ZNF385D: variants seen among roughly 807,000 people sequenced by gnomAD.
ZNF385D encodes the protein zinc finger protein 659.
In ZNF385D, 15 loss-of-function variants were observed where a neutral mutation model predicts 35.8. The observed-to-expected ratio is 0.42, with a 90% CI of 0.28 to 0.64. The LOEUF (loss-of-function observed/expected upper bound fraction) is 0.64, where lower values mean the gene tolerates loss of function less well. ZNF385D is among the 30% of genes least tolerant of loss of function. ZNF385D has a pLI of 0.23. For missense variants in ZNF385D, 474 were observed against 494.6 expected (o/e 0.96, Z 0.39); for synonymous variants, 212 against 186.8 (o/e 1.13, Z -1.10).
intron 3 of ZNF385D, among the ~76,000 whole-genome samples, chr3:21,949,389 A>G (rs757548142): frequency 6.6e-6 from 1 of 151,436 alleles, no homozygotes; most frequent in Non-Finnish European, 1.5e-5. Flanking sequence ...TTTCCATCCC[A>G]TCGGTTGGGG....
At chr3:22,072,943 C>G (rs1259452446) in intron 3 of ZNF385D, among the ~76,000 whole-genome samples, 1 of 151,956 alleles carries the variant, frequency 6.6e-6, no homozygotes, top group Non-Finnish European at 1.5e-5. Flanking sequence ...GTCCTGAGCA[C>G]ATAGAGAAGG....
At chr3:21,929,548 A>G (rs1027103415) in intron 3 of ZNF385D, among the ~76,000 whole-genome samples, 1 of 152,130 alleles carries the variant, frequency 6.6e-6, no homozygotes, top group Non-Finnish European at 1.5e-5. Context: ...TTATTTATGT[A>G]GAACATTCTA....
Position 21,762,394 on chromosome 3 carries a change from C to T in ZNF385D, c.326-97366G>A, listed in dbSNP as rs73038813. Reference sequence around the variant, plus strand: ...GTAAAGCTCTTTTCCACTGTCTCAACCGTCTGAAATGCTGCTCATCCTCAA... The same window carrying T: ...GTAAAGCTCTTTTCCACTGTCTCAATCGTCTGAAATGCTGCTCATCCTCAA... On this transcript the variant is annotated intron_variant, in intron 3 of 5. Coordinates refer to the ZNF385D transcript ENST00000494108. Among the ~76,000 whole-genome samples, 537 of 152,220 alleles carry T rather than the reference C, an allele frequency of 3.5e-3. 3 individuals are homozygous for T. Among genetic ancestry groups the T allele is most frequent in the South Asian group, 8.1e-3 (39 of 4,822 alleles).
chr3:22,090,382 G>T (rs765643151), intron 3 of ZNF385D, among the ~76,000 whole-genome samples: 28 of 152,046 alleles, frequency 1.8e-4, no homozygotes, highest in Non-Finnish European at 2.8e-4. Flanking sequence ...GTGATAAAGT[G>T]CCAACTGAAG....
At chr3:21,495,756 C>T (rs572623490) in intron 4 of ZNF385D, among the ~76,000 whole-genome samples, 2 of 151,948 alleles carry the variant, frequency 1.3e-5, no homozygotes, top group East Asian at 3.9e-4. Context: ...TCAACAAATC[C>T]AGGAGTTGGC....
At chr3:21,453,092 A>G (rs943434262) in intron 4 of ZNF385D, among the ~76,000 whole-genome samples, 19 of 151,798 alleles carry the variant, frequency 1.3e-4, no homozygotes, top group Middle Eastern at 3.2e-3. Context: ...TATTTTTAAC[A>G]TGAGTGACAA....
chr3:21,541,846 A>G (rs964055725), intron 3 of ZNF385D, among the ~76,000 whole-genome samples: 3 of 152,204 alleles, frequency 2.0e-5, no homozygotes, highest in Non-Finnish European at 2.9e-5. Flanking sequence ...GTTAGTGCCT[A>G]CTAATACTTT....
intron 3 of ZNF385D, among the ~76,000 whole-genome samples, chr3:21,808,583 A>C (rs549470498): frequency 6.6e-6 from 1 of 152,298 alleles, no homozygotes; most frequent in Admixed American, 6.5e-5. Context: ...CCTTTGTGCC[A>C]GTGCTGTGGC....
chr3:21,731,365 G>C (rs868741967), intron 1 of ZNF385D, among the ~76,000 whole-genome samples: 9 of 151,836 alleles, frequency 5.9e-5, no homozygotes, highest in African/African-American at 1.7e-4. Context: ...GCAGTTTTAG[G>C]CTCACAGCCA....
chr3:22,049,419 T>C (rs1004057652), intron 3 of ZNF385D, among the ~76,000 whole-genome samples: 1 of 152,154 alleles, frequency 6.6e-6, no homozygotes, highest in Non-Finnish European at 1.5e-5. Context: ...TGTTCTTTTT[T>C]TTTGGCGGAT....
chr3:21,633,562 C>G (rs981982301), intron 2 of ZNF385D, among the ~76,000 whole-genome samples: 1 of 152,096 alleles, frequency 6.6e-6, no homozygotes, highest in Non-Finnish European at 1.5e-5. Context: ...ATTACAAAGA[C>G]TTCTGGACAA....
intron 1 of ZNF385D, among the ~76,000 whole-genome samples, chr3:21,723,478 A>T (rs2068625555): frequency 6.6e-6 from 1 of 152,212 alleles, no homozygotes; most frequent in Admixed American, 6.5e-5. Context: ...GGAGCAGAAA[A>T]ACACAGCATG....
At chr3:22,208,413 G>T (rs1267563142) in intron 2 of ZNF385D, among the ~76,000 whole-genome samples, 1 of 151,656 alleles carries the variant, frequency 6.6e-6, no homozygotes, top group East Asian at 1.9e-4. Flanking sequence ...TGAACATAGA[G>T]AGTGGAAAGA....
chr3:21,987,368 T>G (rs1694869313), intron 3 of ZNF385D, among the ~76,000 whole-genome samples: 1 of 121,866 alleles, frequency 8.2e-6, no homozygotes, highest in East Asian at 2.1e-4. Context: ...GGTCTGGTGG[T>G]GACAAAATCT....
chr3:21,840,101 G>A (rs921974546), intron 3 of ZNF385D, among the ~76,000 whole-genome samples: 15 of 151,936 alleles, frequency 9.9e-5, no homozygotes, highest in South Asian at 4.1e-4. Flanking sequence ...CTTTTTATAC[G>A]CATATTTTTG....
At chr3:22,366,096 T>C (rs1054495531) in intron 2 of ZNF385D, among the ~76,000 whole-genome samples, 1 of 152,160 alleles carries the variant, frequency 6.6e-6, no homozygotes, top group East Asian at 1.9e-4. Context: ...TTATATACAG[T>C]ACAATCAATC....
At chr3:21,946,721 A>C (rs1160121484) in intron 3 of ZNF385D, among the ~76,000 whole-genome samples, 1 of 152,168 alleles carries the variant, frequency 6.6e-6, no homozygotes, top group Non-Finnish European at 1.5e-5. Context: ...AATGCCAGCT[A>C]CTAGGGAGGC....
chr3:21,877,791 T>A (rs1024702776), intron 3 of ZNF385D: 1 of 152,052 alleles, frequency 6.6e-6, no homozygotes, highest in Admixed American at 6.6e-5. Context: ...AGCTGAGGCA[T>A]CAGCGTACCT....
intron 3 of ZNF385D, among the ~76,000 whole-genome samples, chr3:21,812,408 C>T (rs2072961265): frequency 2.0e-5 from 3 of 152,240 alleles, no homozygotes; most frequent in African/African-American, 4.8e-5. Flanking sequence ...ACCGCCTCAC[C>T]TCAGAAGTGC....
Sources: allele counts gnomAD v4.1 joint callset (sites outside exome capture counted in the v4.1 genomes callset), GRCh38; gene constraint gnomAD v4.1.1; transcripts MANE v1.5; gene names NCBI Gene and HGNC (gene_info 2026-07-23, HGNC 2026-07-21).